Variants in ZKSCAN2 observed in about 807,000 individuals in gnomAD.
ZKSCAN2 encodes the protein zinc finger with KRAB and SCAN domains 2, also known as zinc finger protein with KRAB and SCAN domains 2.
In ZKSCAN2, 38 loss-of-function variants were observed where a neutral mutation model predicts 90.5. That is an observed-to-expected ratio of 0.42 (90% CI 0.32 to 0.55). ZKSCAN2 has a LOEUF of 0.55. ZKSCAN2 is among the 20% of genes least tolerant of loss of function. ZKSCAN2 has a pLI of 0.11. For missense variants in ZKSCAN2, 1,167 were observed against 1,202.6 expected (o/e 0.97, Z 0.44); for synonymous variants, 429 against 421.6 (o/e 1.02, Z -0.22).
intron 1 of ZKSCAN2, among the ~76,000 whole-genome samples, chr16:25,255,774 G>C (rs763185616): frequency 1.3e-5 from 2 of 152,048 alleles, no homozygotes; most frequent in Non-Finnish European, 2.9e-5. Flanking sequence ...GTAGAGATGG[G>C]GTTTCATTAT....
At position 25,252,001 on chromosome 16, in the gene ZKSCAN2, A is replaced by G. The variant is rs199548433; in HGVS notation, c.713T>C (p.Phe238Ser). 9 of 1,614,226 alleles carry G rather than the reference A, an allele frequency of 5.6e-6. No individual in the cohort carries two copies. The highest frequency in any genetic ancestry group is 7.6e-6 in the Non-Finnish European group (9 of 1,180,028). The change falls in exon 4 of 7, where the codon TTT becomes TCT. Residue 238 changes from phenylalanine (F) to serine (S), a missense_variant. Physicochemically the swap from Phe to Ser is radical, Grantham distance 155. Transcript: ENST00000328086. ...PVKDVHVARG[F>S]SYRKSVHQIP... ...CTGATGCACACTCTTTCTGTAGGAA[A>G]AGCCTCTGGCCACGTGGACATCTTT...
In ZKSCAN2 at chr16:25,252,118, G is replaced by A. The variant is rs1175537574; in HGVS notation, c.679-83C>T. On this transcript the variant is annotated intron_variant, in intron 3 of 6. Coordinates refer to ENST00000328086, the MANE Select transcript of ZKSCAN2 (RefSeq NM_001012981.5). Reference sequence around the variant, plus strand: ...GAGCAATCACAGATGAGGCAGAGAAGAACCCTAAAGAACTGAAATCAAGGA... The same window carrying A: ...GAGCAATCACAGATGAGGCAGAGAAAAACCCTAAAGAACTGAAATCAAGGA... 26 of 1,467,608 alleles carry A rather than the reference G, an allele frequency of 1.8e-5. No individual in the cohort carries two copies. The Middle Eastern group carries it at 2.3e-3, about 132-fold the overall frequency. The allele number at this position is 1,467,608 out of a possible 1,614,324, so 90.9% of individuals were successfully genotyped here. A position where few individuals can be genotyped will look rare whatever the true frequency, so the allele number is the denominator to read the frequency against.
intron 4 of ZKSCAN2, among the ~76,000 whole-genome samples, chr16:25,250,669 G>T (rs1169865110): frequency 6.6e-6 from 1 of 151,932 alleles, no homozygotes; most frequent in South Asian, 2.1e-4. Context: ...CTCAAATGTG[G>T]TAATTATTTT....
chr16:25,255,265 T>G lies in ZKSCAN2; in HGVS notation c.527A>C (p.His176Pro), dbSNP rs534092020. 61 of 1,613,256 alleles carry G rather than the reference T, an allele frequency of 3.8e-5. No individual in the cohort carries two copies. In the South Asian group the frequency reaches 6.4e-4, roughly 17 times the overall value. Residue 176 changes from histidine to proline, a missense_variant, in exon 2 of 7, where the codon CAC (histidine) becomes CCC (proline). By Grantham distance (77) the His-to-Pro change is moderately conservative. Coordinates refer to ENST00000328086, the MANE Select transcript of ZKSCAN2 (RefSeq NM_001012981.5). Reference sequence around the variant, plus strand: ...GTTCAGCTGTTCCTGGTGTCCTGAGTGGAGGCTTCCAGGTTCCTCCCGAGA... The same window carrying G: ...GTTCAGCTGTTCCTGGTGTCCTGAGGGGAGGCTTCCAGGTTCCTCCCGAGA... ...AVSREEPGSL[H>P]SGHQEQLNRK...
chr16:25,256,727 A>T lies in ZKSCAN2; in HGVS notation c.399+2T>A. Reference sequence around the variant, plus strand: ...ACAAAAATTTGGAAAATCCTCTCTCACCTGCTGTCTTAGTCTTCCAGTCTC... The same window carrying T: ...ACAAAAATTTGGAAAATCCTCTCTCTCCTGCTGTCTTAGTCTTCCAGTCTC... On this transcript the variant is annotated splice_donor_variant, in intron 1 of 6. Transcript: ENST00000328086. LOFTEE classifies it high-confidence loss of function. The T allele has an allele frequency of 6.2e-7, 1 of 1,606,170 alleles. No homozygotes were observed. The highest frequency in any genetic ancestry group is 1.7e-5 in the Admixed American group (1 of 58,594).
chr16:25,254,194 A>C (rs984969877), intron 2 of ZKSCAN2, among the ~76,000 whole-genome samples: 14 of 152,142 alleles, frequency 9.2e-5, no homozygotes, highest in African/African-American at 3.1e-4. Context: ...TTTGCCCAAG[A>C]TCACAGACAG....
chr16:25,257,275 AT>A lies in ZKSCAN2; in HGVS notation c.-149del. On this transcript the variant is annotated 5_prime_UTR_variant, in exon 1 of 7. An upstream open reading frame in the 5' UTR loses its in-frame stop. Coordinates refer to ENST00000328086, the MANE Select transcript of ZKSCAN2 (RefSeq NM_001012981.5). ...GGCAGGAACAGGGTATTCCAGGCTGATTAATCAAATCTATGCCAGGCCCTTG... is the reference window on the plus strand; with the variant it reads ...GGCAGGAACAGGGTATTCCAGGCTGATAATCAAATCTATGCCAGGCCCTTG... 1 of 1,468,842 alleles carries A rather than the reference AT, an allele frequency of 6.8e-7. No homozygotes were observed. Among genetic ancestry groups the A allele is most frequent in the Non-Finnish European group, 8.9e-7 (1 of 1,117,850 alleles). The allele number at this position is 1,468,842 out of a possible 1,614,324, so 91.0% of individuals were successfully genotyped here. A position where few individuals can be genotyped will look rare whatever the true frequency, so the allele number is the denominator to read the frequency against.
chr16:25,255,441 C>G, intron 1 of ZKSCAN2, 49 bp from the exon 2 acceptor site: 1 of 1,554,628 alleles, frequency 6.4e-7, no homozygotes, highest in Non-Finnish European at 8.6e-7. Context: ...AGGCCCATAT[C>G]AGGGCGAAAT....
At position 25,238,095 on chromosome 16, in the gene ZKSCAN2, A is replaced by G. The variant is rs1439510213; in HGVS notation, c.*1721T>C. ...CCAACAGGCCACACCCTATTCTGGC[A>G]CCATAAATTAGATTTCTTTCTACAG... On this transcript the variant is annotated 3_prime_UTR_variant, in exon 7 of 7. Coordinates refer to ENST00000328086, the MANE Select transcript of ZKSCAN2 (RefSeq NM_001012981.5). The G allele has an allele frequency of 1.3e-5, 2 of 152,270 alleles. No individual in the cohort carries two copies. The highest frequency in any genetic ancestry group is 3.8e-4 in the East Asian group (2 of 5,206). The allele number at this position is 152,270 out of a possible 1,614,324, so 9.4% of individuals were successfully genotyped here. A position where few individuals can be genotyped will look rare whatever the true frequency, so the allele number is the denominator to read the frequency against.
Position 25,244,182 on chromosome 16 carries a change from G to C in ZKSCAN2, c.1584C>G (p.Ser528Arg), listed in dbSNP as rs116889865. The C allele has an allele frequency of 9.8e-4, 1,589 of 1,614,132 alleles. 4 individuals are homozygous for C. Among genetic ancestry groups the C allele is most frequent in the Non-Finnish European group, 1.3e-3 (1,521 of 1,180,020 alleles). Residue 528 changes from serine to arginine, a missense_variant, in exon 6 of 7, where the codon AGC becomes AGG. Transcript: ENST00000328086. ...GTTCAGCTACAGCCCCATACAATTTGCTCTTCCGATGACAGGCTTGAAGCG... is the reference window on the plus strand; with the variant it reads ...GTTCAGCTACAGCCCCATACAATTTCCTCTTCCGATGACAGGCTTGAAGCG... The part of the protein sequence containing the change: ...YEALQACHRK[S>R]KLYGAVAEQL...
At position 25,239,979 on chromosome 16, in the gene ZKSCAN2, G is replaced by A. The variant is rs754889766; in HGVS notation, c.2741C>T (p.Pro914Leu). 4.0e-5 allele frequency: 64 copies of A among 1,613,976 alleles called. No homozygotes were observed. The African/African-American group carries it at 6.3e-4, about 16-fold the overall frequency. The change falls in exon 7 of 7, where the codon CCC becomes CTC. Residue 914 changes from proline to leucine, a missense_variant. By Grantham distance (98) the Pro-to-Leu change is moderately conservative. Transcript: ENST00000328086. ...EHRRIHTGEK[P>L]YGCAQCGKRF... ...TTTGCCACACTGGGCACATCCATAG[G>A]GCTTCTCTCCAGTGTGTATTCTCCG...
chr16:25,252,903 G>T, intron 3 of ZKSCAN2, 43 bp downstream of exon 3: 1 of 1,470,948 alleles, frequency 6.8e-7, no homozygotes, highest in Non-Finnish European at 9.5e-7. Flanking sequence ...GGGTGACAGA[G>T]TGAGACTCCA....
At chr16:25,247,956 G>A (rs1962960407) in intron 4 of ZKSCAN2, among the ~76,000 whole-genome samples, 1 of 152,118 alleles carries the variant, frequency 6.6e-6, no homozygotes, top group Admixed American at 6.6e-5. Flanking sequence ...CACATGTATA[G>A]CTAAATAATC....
At position 25,244,123 on chromosome 16, in the gene ZKSCAN2, T is replaced by C; in HGVS notation, c.1643A>G (p.Glu548Gly). 1 of 1,614,178 alleles carries C rather than the reference T, an allele frequency of 6.2e-7. No homozygotes were observed. The highest frequency in any genetic ancestry group is 8.5e-7 in the Non-Finnish European group (1 of 1,180,040). Residue 548 changes from glutamate to glycine, a missense_variant, in exon 6 of 7, where the codon GAA becomes GGA. Coordinates refer to ENST00000328086, the MANE Select transcript of ZKSCAN2 (RefSeq NM_001012981.5). ...LRECGFLRTPEQCRTKFKSLQ... is the reference protein window; with the variant it reads ...LRECGFLRTPGQCRTKFKSLQ... The stretch of plus-strand genomic sequence containing the variant: ...GCTTTTGAACTTGGTTCGGCACTGT[T>C]CTGGTGTCCGGAGGAAGCCGCACTC...
intron 4 of ZKSCAN2, among the ~76,000 whole-genome samples, chr16:25,248,557 C>A (rs1962972588): frequency 6.6e-6 from 1 of 152,098 alleles, no homozygotes; most frequent in African/African-American, 2.4e-5. Flanking sequence ...AAAAGGTGCT[C>A]AACATTGCTA....
intron 5 of ZKSCAN2, 53 bp from the exon 6 acceptor site, chr16:25,244,329 C>A: frequency 3.2e-6 from 5 of 1,557,608 alleles, no homozygotes; most frequent in Non-Finnish European, 4.3e-6. Context: ...AGTCTCTAGC[C>A]TCTATACTAT....
chr16:25,237,373 A>G lies in ZKSCAN2; in HGVS notation c.*2443T>C, dbSNP rs2345122. The G allele has an allele frequency of 0.59, 89,564 of 152,034 alleles. 27,816 individuals are homozygous for G. The highest frequency in any genetic ancestry group is 0.8 in the African/African-American group (33,064 of 41,468). The allele number at this position is 152,034 out of a possible 1,614,324, so 9.4% of individuals were successfully genotyped here. A position where few individuals can be genotyped will look rare whatever the true frequency, so the allele number is the denominator to read the frequency against. On this transcript the variant is annotated 3_prime_UTR_variant, in exon 7 of 7. Coordinates refer to ENST00000328086, the MANE Select transcript of ZKSCAN2 (RefSeq NM_001012981.5). ...AGCCCATTTACAATTAGGAGTAGAG[A>G]TAGGGGAACCCAAATTCCACCTCAG...
chr16:25,252,174 GAAGAGA>G (rs1963031354), intron 3 of ZKSCAN2, 139 bp from the exon 4 acceptor site: 1 of 893,540 alleles, frequency 1.1e-6, no homozygotes, highest in Admixed American at 2.6e-5. Flanking sequence ...AAATGAAGCA[GAAGAGA>G]AAGAATCATA....
rs541034210 is a variant in ZKSCAN2, at chr16:25,239,768, G to C, written c.*48C>G. 43 of 1,470,180 alleles carry C rather than the reference G, an allele frequency of 2.9e-5. No individual in the cohort carries two copies. The South Asian group carries it at 5.2e-4, about 18-fold the overall frequency. The allele number at this position is 1,470,180 out of a possible 1,614,324, so 91.1% of individuals were successfully genotyped here. A position where few individuals can be genotyped will look rare whatever the true frequency, so the allele number is the denominator to read the frequency against. ...AAGAAAAGATTGCTTCCAAGAATGA[G>C]ATTAGGGTAAAATGGCTAAGGGGGC... is the stretch of plus-strand genomic sequence containing the variant. On this transcript the variant is annotated 3_prime_UTR_variant, in exon 7 of 7. Coordinates refer to ENST00000328086, the MANE Select transcript of ZKSCAN2 (RefSeq NM_001012981.5).
Sources: gnomAD v4.1 joint callset for allele counts (sites outside exome capture counted in the v4.1 genomes callset) on GRCh38, gnomAD v4.1.1 for gene constraint, MANE v1.5 for transcripts, NCBI Gene and HGNC (gene_info 2026-07-23, HGNC 2026-07-21) for gene names.